The following SORCS1 variants were observed in gnomAD, a reference collection of about 807,000 sequenced individuals.
SORCS1 encodes sortilin related VPS10 domain containing receptor 1.
Under a neutral mutation model 146.1 loss-of-function variants are expected in SORCS1, and 60 were observed. The observed-to-expected ratio is 0.41, with a 90% CI of 0.33 to 0.51. The LOEUF is 0.51. Ranked by LOEUF, SORCS1 falls within the 20% of genes least tolerant of loss-of-function variation. The pLI, the probability that SORCS1 is intolerant of heterozygous loss-of-function variation, is 0.21. For missense variants in SORCS1, 1,352 were observed against 1,487.6 expected, an observed-to-expected ratio of 0.91 and a Z score of 1.50; for synonymous variants, 637 against 584.0, an observed-to-expected ratio of 1.09 and a Z score of -1.31.
chr10:106,604,924 A>G (rs1201496722), intron 23 of SORCS1, among the ~76,000 whole-genome samples: 4 of 152,224 alleles, frequency 2.6e-5, no homozygotes, highest in African/African-American at 9.6e-5. Flanking sequence ...ACCCCATGAG[A>G]TAAGTGTGAC....
In SORCS1 at chr10:107,060,284, A is replaced by C. The variant is rs1268005526; in HGVS notation, c.558+103685T>G. On this transcript the variant is annotated intron_variant, in intron 1 of 25. Transcript: ENST00000263054. This position sits in a 1 kb window ranked among gnomAD's most constrained non-coding sequence, Gnocchi z 4.1. ...TTTTCAATCATTTATAACACATCCA[A>C]TAATCTGTTTTCCCCTCATCTGTAA... 6.6e-6 allele frequency among the ~76,000 whole-genome samples: 1 copy of C among 152,218 alleles called. No homozygotes were observed. The highest frequency in any genetic ancestry group is 2.4e-5 in the African/African-American group (1 of 41,462).
chr10:106,629,644 A>G (rs558388813), intron 18 of SORCS1, among the ~76,000 whole-genome samples: 1 of 152,374 alleles, frequency 6.6e-6, no homozygotes, highest in Admixed American at 6.5e-5. Context: ...TTGAAAATTA[A>G]TAGTGCTTGA....
intron 9 of SORCS1, among the ~76,000 whole-genome samples, chr10:106,695,900 A>T (rs1853664380): frequency 6.6e-6 from 1 of 152,150 alleles, no homozygotes; most frequent in South Asian, 2.1e-4. Context: ...TTCCACACAC[A>T]CACATAGTTC....
chr10:106,915,357 T>C (rs537976349), intron 2 of SORCS1, among the ~76,000 whole-genome samples: 1 of 152,308 alleles, frequency 6.6e-6, no homozygotes, highest in Non-Finnish European at 1.5e-5. Context: ...TTTCTACCAA[T>C]AAAACCTTAG....
rs145221531 is a variant in SORCS1, at chr10:106,727,731, G to T, written c.1024+2319C>A. On this transcript the variant is annotated intron_variant, in intron 6 of 25. Coordinates refer to ENST00000263054, the MANE Select transcript of SORCS1 (RefSeq NM_052918.5). ...GAGAGTTTACGAGAGGCTTTTCTAAGAAATAGGCGATTAACCTGAGGTCTC... is the reference window on the plus strand; with the variant it reads ...GAGAGTTTACGAGAGGCTTTTCTAATAAATAGGCGATTAACCTGAGGTCTC... 1.4e-4 allele frequency among the ~76,000 whole-genome samples: 21 copies of T among 152,304 alleles called. No individual in the cohort carries two copies. In the East Asian group the frequency reaches 4.0e-3, roughly 29 times the overall value.
At chr10:106,680,759 T>C (rs1303586367) in intron 10 of SORCS1, among the ~76,000 whole-genome samples, 1 of 152,218 alleles carries the variant, frequency 6.6e-6, no homozygotes, top group Non-Finnish European at 1.5e-5. Context: ...TTTCTAATCT[T>C]ATCAACTTGA....
Position 106,766,506 on chromosome 10 carries a change from G to A in SORCS1, c.886-4845C>T, listed in dbSNP as rs111732166. 7.9e-5 allele frequency among the ~76,000 whole-genome samples: 12 copies of A among 152,196 alleles called. No homozygotes were observed. The South Asian group carries it at 1.2e-3, about 16-fold the overall frequency. On this transcript the variant is annotated intron_variant, in intron 4 of 25. Coordinates refer to ENST00000263054, the MANE Select transcript of SORCS1 (RefSeq NM_052918.5). ...AGAGAATCAGTCCAGAGAAAAATGC[G>A]GTCCTCAGAAGTATGTTCTGATGCT...
intron 18 of SORCS1, among the ~76,000 whole-genome samples, chr10:106,636,619 T>A (rs1038605332): frequency 2.0e-5 from 3 of 152,162 alleles, no homozygotes; most frequent in African/African-American, 7.2e-5. Flanking sequence ...CTCACTATTA[T>A]GAAAACAGCA....
chr10:106,718,017 T>A (rs1215022969), intron 6 of SORCS1, among the ~76,000 whole-genome samples: 2 of 152,196 alleles, frequency 1.3e-5, no homozygotes, highest in African/African-American at 4.8e-5. Flanking sequence ...TCAGACTATG[T>A]TATAGAGTGA....
intron 4 of SORCS1, among the ~76,000 whole-genome samples, chr10:106,762,906 C>A (rs1859247005): frequency 6.6e-6 from 1 of 152,088 alleles, no homozygotes; most frequent in South Asian, 2.1e-4. Context: ...ATGTCCTGAA[C>A]ACCTGGTATT....
At chr10:106,934,521 A>G (rs1953601778) in intron 2 of SORCS1, among the ~76,000 whole-genome samples, 1 of 152,130 alleles carries the variant, frequency 6.6e-6, no homozygotes, top group Admixed American at 6.5e-5. Context: ...GGCCTCCCAA[A>G]GTGCTGGGAT....
chr10:107,174,232 G>T, the SORCS1 span, among the ~76,000 whole-genome samples: 1 of 152,084 alleles, frequency 6.6e-6, no homozygotes, highest in African/African-American at 2.4e-5. Flanking sequence ...TTGAGATGGA[G>T]TCTTGCTCTG....
chr10:107,062,776 T>G (rs1961348855), intron 1 of SORCS1, among the ~76,000 whole-genome samples: 1 of 152,180 alleles, frequency 6.6e-6, no homozygotes, highest in Non-Finnish European at 1.5e-5. Context: ...CCAATTCCCA[T>G]AACTCAACAA....
chr10:106,663,855 C>T (rs1589605127), intron 17 of SORCS1, among the ~76,000 whole-genome samples: 2 of 152,176 alleles, frequency 1.3e-5, no homozygotes, highest in African/African-American at 4.8e-5. Flanking sequence ...TTATTATTGA[C>T]AACCACTCCC....
chr10:106,835,752 T>G (rs1948750703), intron 2 of SORCS1, among the ~76,000 whole-genome samples: 1 of 152,182 alleles, frequency 6.6e-6, no homozygotes, highest in Non-Finnish European at 1.5e-5. Flanking sequence ...ATGTCTGTAA[T>G]CCCAGAACTT....
At chr10:107,147,120 A>C (rs1425005644) in intron 1 of SORCS1, among the ~76,000 whole-genome samples, 1 of 152,178 alleles carries the variant, frequency 6.6e-6, no homozygotes, top group Admixed American at 6.5e-5. Context: ...CTTCAGGTAA[A>C]TGTGCCTGAA....
chr10:106,682,188 G>A (rs1479052595), intron 10 of SORCS1, among the ~76,000 whole-genome samples: 1 of 151,846 alleles, frequency 6.6e-6, no homozygotes, highest in Admixed American at 6.6e-5. Flanking sequence ...CAAAAAACAA[G>A]AACAAAGAAA....
At chr10:106,898,585 C>T (rs895842188) in intron 2 of SORCS1, among the ~76,000 whole-genome samples, 8 of 152,148 alleles carry the variant, frequency 5.3e-5, no homozygotes, top group African/African-American at 1.9e-4. Flanking sequence ...CGTAGGGGGT[C>T]AGGGGTAGCT....
chr10:106,622,422 T>C lies in SORCS1; in HGVS notation c.2663-1861A>G, dbSNP rs555037035. The stretch of plus-strand genomic sequence containing the variant: ...ACTTCTTGAGGGTAAGAATTCTTCA[T>C]ATTTATCTTCATACACAAAGACTAG... On this transcript the variant is annotated intron_variant, in intron 19 of 25. Coordinates refer to ENST00000263054, the MANE Select transcript of SORCS1 (RefSeq NM_052918.5). Among the ~76,000 whole-genome samples, 200 of 151,970 alleles carry C rather than the reference T, an allele frequency of 1.3e-3. 1 individual carries two copies. Among genetic ancestry groups the C allele is most frequent in the African/African-American group, 4.5e-3 (188 of 41,448 alleles).
Sources: allele counts gnomAD v4.1 joint callset (sites outside exome capture counted in the v4.1 genomes callset), GRCh38; gene constraint gnomAD v4.1.1; non-coding constraint Gnocchi (gnomAD v3.1); transcripts MANE v1.5; gene names NCBI Gene and HGNC (gene_info 2026-07-23, HGNC 2026-07-21).